NEBL: variants seen among roughly 807,000 people sequenced by gnomAD.
The protein encoded by NEBL is LIM and SH3 protein 2.
A neutral mutation model predicts 140.2 loss-of-function variants in NEBL; 122 were observed. The ratio of observed to expected loss-of-function variants is 0.87; its 90% confidence interval spans 0.75 to 1.01. The LOEUF (loss-of-function observed/expected upper bound fraction) is 1.01, where lower values mean the gene tolerates loss of function less well. Ranked by LOEUF, NEBL falls within the 50% of genes least tolerant of loss-of-function variation. NEBL has a pLI of 0.00. For synonymous variants in NEBL, 436 were observed against 398.9 expected, an observed-to-expected ratio of 1.09 and a Z score of -1.11; for missense variants, 1,365 against 1,231.3, an observed-to-expected ratio of 1.11 and a Z score of -1.62.
At chr10:21,071,521 A>G (rs1835816892) in intron 2 of NEBL, among the ~76,000 whole-genome samples, 1 of 152,194 alleles carries the variant, frequency 6.6e-6, no homozygotes, top group Admixed American at 6.5e-5. Flanking sequence ...TCTGTGGTTC[A>G]GAACCCAGGC....
intron 2 of NEBL, among the ~76,000 whole-genome samples, chr10:21,074,220 C>T (rs1835953632): frequency 6.6e-6 from 1 of 152,194 alleles, no homozygotes; most frequent in African/African-American, 2.4e-5. Context: ...GGTCCATGTG[C>T]CTCAGCATGA....
chr10:21,287,891 T>TTATTTGGATCCCA (rs1306308785), intron 1 of NEBL, among the ~76,000 whole-genome samples: 2 of 151,916 alleles, frequency 1.3e-5, no homozygotes, highest in African/African-American at 4.8e-5. Flanking sequence ...TGCAAAAAAC[T>TTATTTGGATCCCA]GTAAGAAAAT....
intron 3 of NEBL, among the ~76,000 whole-genome samples, chr10:21,216,763 TC>T (rs1466961648): frequency 7.4e-6 from 1 of 135,310 alleles, no homozygotes; most frequent in Non-Finnish European, 1.5e-5. Context: ...AAAGCAAGAC[TC>T]CATCTCGAAA....
chr10:20,937,402 T>C lies in NEBL; in HGVS notation c.357+24270A>G, dbSNP rs774448382. On this transcript the variant is annotated intron_variant, in intron 4 of 6. Transcript: ENST00000417816. ...ATGTAGGAGAAAACAGGCATAGTGATTGAGGTACAATGTTCAGCTGAAACA... is the reference window on the plus strand; with the variant it reads ...ATGTAGGAGAAAACAGGCATAGTGACTGAGGTACAATGTTCAGCTGAAACA... Among the ~76,000 whole-genome samples the C allele has an allele frequency of 3.9e-5, 6 of 152,090 alleles. 1 individual carries two copies. Among genetic ancestry groups the C allele is most frequent in the Admixed American group, 1.3e-4 (2 of 15,282 alleles).
chr10:20,814,255 TC>T (rs1320146876), intron 22 of NEBL, among the ~76,000 whole-genome samples: 3 of 152,004 alleles, frequency 2.0e-5, no homozygotes, highest in Non-Finnish European at 2.9e-5. Flanking sequence ...CCTAAATCTA[TC>T]AACTCTAAAC....
At chr10:21,285,656 C>T (rs150358755) in intron 1 of NEBL, among the ~76,000 whole-genome samples, 2 of 152,324 alleles carry the variant, frequency 1.3e-5, no homozygotes, top group East Asian at 1.9e-4. Context: ...TTAACTGACA[C>T]CTGTCTTGAA....
At position 20,937,685 on chromosome 10, in the gene NEBL, C is replaced by A. The variant is rs554384305; in HGVS notation, c.357+23987G>T. On this transcript the variant is annotated intron_variant, in intron 4 of 6. Transcript: ENST00000417816. The stretch of plus-strand genomic sequence containing the variant: ...CACAAGGGGTCAGGGAATTCCCTTT[C>A]CTAGTCAAAGAAAGGGGTGACAGAT... Among the ~76,000 whole-genome samples, 8 of 152,258 alleles carry A rather than the reference C, an allele frequency of 5.3e-5. No individual in the cohort carries two copies. The East Asian group carries it at 1.5e-3, about 29-fold the overall frequency.
intron 4 of NEBL, among the ~76,000 whole-genome samples, chr10:20,916,595 C>A (rs771069699): frequency 6.6e-6 from 1 of 151,994 alleles, no homozygotes; most frequent in South Asian, 2.1e-4. Context: ...ATTTTAGTAG[C>A]GACAAGGTTT....
chr10:21,111,785 C>T (rs1055286561), intron 2 of NEBL, among the ~76,000 whole-genome samples: 2 of 151,348 alleles, frequency 1.3e-5, no homozygotes, highest in African/African-American at 2.4e-5. Flanking sequence ...AAGAAACTAT[C>T]ATCAGAGTGA....
chr10:21,020,386 G>A (rs984649904), intron 2 of NEBL, among the ~76,000 whole-genome samples: 12 of 151,788 alleles, frequency 7.9e-5, no homozygotes, highest in African/African-American at 2.4e-4. Context: ...TGGCTCTGTC[G>A]CCCAGACATC....
intron 4 of NEBL, among the ~76,000 whole-genome samples, chr10:20,905,573 C>T (rs1218913365): frequency 2.0e-5 from 3 of 152,144 alleles, no homozygotes; most frequent in African/African-American, 7.2e-5. Flanking sequence ...TCAACACATA[C>T]GGATTACAAT....
intron 2 of NEBL, among the ~76,000 whole-genome samples, chr10:21,097,111 C>G (rs1837223261): frequency 6.7e-6 from 1 of 150,122 alleles, no homozygotes; most frequent in African/African-American, 2.5e-5. Flanking sequence ...TTATTGTTTC[C>G]AAATAAAATT....
chr10:20,807,421 C>A (rs1437537739), intron 26 of NEBL, among the ~76,000 whole-genome samples: 1 of 152,114 alleles, frequency 6.6e-6, no homozygotes, highest in Admixed American at 6.6e-5. Context: ...AATAAAACAA[C>A]CAGTTTATAA....
chr10:21,219,342 A>G (rs918753636), intron 3 of NEBL, among the ~76,000 whole-genome samples: 1 of 152,236 alleles, frequency 6.6e-6, no homozygotes, highest in African/African-American at 2.4e-5. Context: ...ACTAAAATGT[A>G]TATTTCGGAG....
intron 2 of NEBL, among the ~76,000 whole-genome samples, chr10:21,141,992 G>C (rs1839652383): frequency 6.6e-6 from 1 of 152,118 alleles, no homozygotes; most frequent in South Asian, 2.1e-4. Flanking sequence ...GTAGAAGACA[G>C]GCCCTGCCCC....
chr10:21,286,544 T>C (rs987708740), intron 1 of NEBL, among the ~76,000 whole-genome samples: 3 of 152,218 alleles, frequency 2.0e-5, no homozygotes, highest in Non-Finnish European at 4.4e-5. Context: ...ATTCAGACTA[T>C]AGCTATAGCA....
chr10:20,875,912 T>C (rs974554031), intron 5 of NEBL, among the ~76,000 whole-genome samples: 4 of 152,332 alleles, frequency 2.6e-5, no homozygotes, highest in African/African-American at 7.2e-5. Context: ...AACTGGTATA[T>C]AGTGGTAATC....
intron 3 of NEBL, among the ~76,000 whole-genome samples, chr10:21,012,912 G>A (rs1838402183): frequency 6.6e-6 from 1 of 152,152 alleles, no homozygotes. Flanking sequence ...GGAAACAGAT[G>A]AAAAGGATGC....
intron 2 of NEBL, chr10:21,125,808 G>A (rs776263609): frequency 8.3e-6 from 13 of 1,569,086 alleles, no homozygotes; most frequent in African/African-American, 1.4e-5. Context: ...GTATAAGACA[G>A]TGTCCTTCAG....
Sources: allele counts gnomAD v4.1 joint callset (sites outside exome capture counted in the v4.1 genomes callset), GRCh38; gene constraint gnomAD v4.1.1; transcripts MANE v1.5; gene names NCBI Gene and HGNC (gene_info 2026-07-23, HGNC 2026-07-21).